The following CA10 variants were observed in gnomAD, a reference collection of about 807,000 sequenced individuals.
The protein encoded by CA10 is carbonic anhydrase-related protein 10.
A neutral mutation model predicts 44.2 loss-of-function variants in CA10; 14 were observed. The ratio of observed to expected loss-of-function variants is 0.32; its 90% confidence interval spans 0.21 to 0.50. The LOEUF (loss-of-function observed/expected upper bound fraction) is 0.50. CA10 is among the 20% of genes least tolerant of loss of function. The probability of loss-of-function intolerance (pLI) is 0.99; values close to 1 mark genes in which losing one functional copy is unlikely to be tolerated. For missense variants in CA10, 350 were observed against 409.7 expected, an observed-to-expected ratio of 0.85 and a Z score of 1.26; for synonymous variants, 159 against 141.6, an observed-to-expected ratio of 1.12 and a Z score of -0.87.
chr17:51,742,252 T>C (rs986536195), intron 4 of CA10, among the ~76,000 whole-genome samples: 1 of 152,150 alleles, frequency 6.6e-6, no homozygotes, highest in Non-Finnish European at 1.5e-5. Flanking sequence ...AGCACTTCCA[T>C]ATGTATTGTC....
At chr17:51,919,756 A>G (rs566725929) in intron 3 of CA10, among the ~76,000 whole-genome samples, 1 of 152,070 alleles carries the variant, frequency 6.6e-6, no homozygotes, top group Non-Finnish European at 1.5e-5. Context: ...GGTTCAAGCA[A>G]TTCTCCTGCC....
chr17:51,911,612 G>C (rs1981793199), intron 3 of CA10, among the ~76,000 whole-genome samples: 1 of 152,136 alleles, frequency 6.6e-6, no homozygotes, highest in Admixed American at 6.6e-5. Flanking sequence ...AAAAGAATGA[G>C]ACAGAATAGT....
At chr17:52,126,412 C>T (rs921916460) in intron 1 of CA10, among the ~76,000 whole-genome samples, 3 of 152,174 alleles carry the variant, frequency 2.0e-5, no homozygotes, top group African/African-American at 7.2e-5. Context: ...ATCCATCAGT[C>T]ATTTAGATGT....
chr17:51,669,852 C>A (rs1567796711), intron 4 of CA10, among the ~76,000 whole-genome samples: 1 of 152,198 alleles, frequency 6.6e-6, no homozygotes, highest in Non-Finnish European at 1.5e-5. Context: ...ATTTTGGACA[C>A]AATATGGTTT....
chr17:51,788,209 G>C (rs1391487863), intron 3 of CA10, among the ~76,000 whole-genome samples: 1 of 151,922 alleles, frequency 6.6e-6, no homozygotes, highest in East Asian at 1.9e-4. Context: ...TTGATCCTCT[G>C]GTCATTCAGA....
chr17:51,975,930 C>T (rs1391926867), intron 2 of CA10, among the ~76,000 whole-genome samples: 1 of 146,952 alleles, frequency 6.8e-6, no homozygotes. Flanking sequence ...AAGGAATATT[C>T]TTTAAACACA....
intron 2 of CA10, among the ~76,000 whole-genome samples, chr17:52,069,881 C>T (rs998658782): frequency 6.6e-6 from 1 of 152,134 alleles, no homozygotes; most frequent in Non-Finnish European, 1.5e-5. Flanking sequence ...AAAACTAGTT[C>T]AGTCATATCA....
At chr17:51,969,317 A>T (rs1984194488) in intron 2 of CA10, among the ~76,000 whole-genome samples, 1 of 151,934 alleles carries the variant, frequency 6.6e-6, no homozygotes, top group African/African-American at 2.4e-5. Flanking sequence ...AATGGTTCCT[A>T]TTTTACAGAC....
chr17:51,826,973 C>T (rs1432759235), intron 3 of CA10, among the ~76,000 whole-genome samples: 1 of 152,142 alleles, frequency 6.6e-6, no homozygotes, highest in Non-Finnish European at 1.5e-5. Flanking sequence ...CTACCAAACT[C>T]GCCTCAAGTT....
chr17:52,039,759 T>C (rs916748276), intron 2 of CA10, among the ~76,000 whole-genome samples: 2 of 152,142 alleles, frequency 1.3e-5, no homozygotes, highest in Non-Finnish European at 2.9e-5. Flanking sequence ...TTAGAGTTTG[T>C]CCAAAGAATA....
intron 3 of CA10, among the ~76,000 whole-genome samples, chr17:51,853,106 A>C (rs1276256603): frequency 6.6e-6 from 1 of 152,078 alleles, no homozygotes; most frequent in Non-Finnish European, 1.5e-5. Flanking sequence ...ACTGAGAGAC[A>C]TTAAACTGAA....
chr17:51,722,065 T>C (rs1916367174), intron 4 of CA10, among the ~76,000 whole-genome samples: 1 of 152,168 alleles, frequency 6.6e-6, no homozygotes, highest in Admixed American at 6.5e-5. Context: ...ACTAAACACT[T>C]TAACTCTTGC....
upstream of CA10, chr17:52,159,626 C>T (rs1490600973): frequency 6.6e-6 from 1 of 152,514 alleles, no homozygotes; most frequent in Admixed American, 6.5e-5. Context: ...CACACACACA[C>T]CCAGCGCGCG....
chr17:52,038,954 G>A (rs959409324), intron 2 of CA10, among the ~76,000 whole-genome samples: 6 of 152,048 alleles, frequency 3.9e-5, no homozygotes, highest in Non-Finnish European at 8.8e-5. Context: ...TTGACTAGGG[G>A]TCAGAAGGCC....
At chr17:51,841,337 A>T (rs919645170) in intron 3 of CA10, among the ~76,000 whole-genome samples, 4 of 152,166 alleles carry the variant, frequency 2.6e-5, no homozygotes, top group African/African-American at 9.7e-5. Flanking sequence ...CTCCACACAC[A>T]GCTATGACAC....
At chr17:52,109,083 C>T (rs1988735433) in intron 1 of CA10, among the ~76,000 whole-genome samples, 1 of 152,136 alleles carries the variant, frequency 6.6e-6, no homozygotes, top group Non-Finnish European at 1.5e-5. Flanking sequence ...CATCAATTCT[C>T]CCCAAATTAA....
chr17:51,716,611 G>A (rs1341450129), intron 4 of CA10, among the ~76,000 whole-genome samples: 1 of 152,102 alleles, frequency 6.6e-6, no homozygotes, highest in Non-Finnish European at 1.5e-5. Context: ...TCAGTGACAT[G>A]GTTCAAATAC....
intron 2 of CA10, among the ~76,000 whole-genome samples, chr17:51,959,282 C>G (rs140325824): frequency 5.2e-5 from 7 of 134,454 alleles, no homozygotes; most frequent in East Asian, 4.3e-4. Flanking sequence ...CTCTCTCTCT[C>G]TGTGTGTGTG....
intron 2 of CA10, among the ~76,000 whole-genome samples, chr17:52,017,586 C>G (rs1457291914): frequency 6.6e-6 from 1 of 152,084 alleles, no homozygotes; most frequent in Non-Finnish European, 1.5e-5. Flanking sequence ...CTGCTTCTAA[C>G]AGCCTACAGT....
Sources: allele counts gnomAD v4.1 joint callset (sites outside exome capture counted in the v4.1 genomes callset), GRCh38; gene constraint gnomAD v4.1.1; transcripts MANE v1.5; gene names NCBI Gene and HGNC (gene_info 2026-07-23, HGNC 2026-07-21).